The following LRRC7 variants were observed in gnomAD, a reference collection of about 807,000 sequenced individuals.
LRRC7 encodes leucine rich repeat containing 7, also known as leucine-rich repeat-containing protein 7.
LRRC7 carries 23 observed loss-of-function variants against 175.7 expected under a neutral mutation model. That is an observed-to-expected ratio of 0.13 (90% CI 0.09 to 0.19). LRRC7 has a LOEUF of 0.19. LRRC7 is among the 10% of genes least tolerant of loss of function. The pLI, the probability that LRRC7 is intolerant of heterozygous loss-of-function variation, is 1.00. For synonymous variants in LRRC7, 685 were observed against 680.9 expected, an observed-to-expected ratio of 1.01 and a Z score of -0.09; for missense variants, 1,354 against 1,904.7, an observed-to-expected ratio of 0.71 and a Z score of 5.38.
intron 1 of LRRC7, among the ~76,000 whole-genome samples, chr1:69,657,361 C>A (rs1316037907): frequency 1.3e-5 from 2 of 151,750 alleles, no homozygotes; most frequent in Non-Finnish European, 3.0e-5. Flanking sequence ...TGATTTCATG[C>A]AAAACATTAG....
intron 7 of LRRC7, among the ~76,000 whole-genome samples, chr1:69,870,588 A>G (rs920059124): frequency 6.6e-6 from 1 of 152,258 alleles, no homozygotes; most frequent in Non-Finnish European, 1.5e-5. Flanking sequence ...ACCATTCCTA[A>G]TAAGTTATTT....
At position 69,881,314 on chromosome 1, in the gene LRRC7, A is replaced by T. The variant is rs1472768893; in HGVS notation, c.647+43031A>T. Among the ~76,000 whole-genome samples, 3 of 152,332 alleles carry T rather than the reference A, an allele frequency of 2.0e-5. No individual in the cohort carries two copies. In the East Asian group the frequency reaches 5.8e-4, roughly 29 times the overall value. On this transcript the variant is annotated intron_variant, in intron 7 of 26. Transcript: ENST00000651989. ...CAACAAAATTAAAATGTCTAAAATCAGTCCCTGTATCTATAAAAATATGAA... is the reference window on the plus strand; with the variant it reads ...CAACAAAATTAAAATGTCTAAAATCTGTCCCTGTATCTATAAAAATATGAA...
At chr1:69,723,048 G>C (rs1666542682) in intron 2 of LRRC7, among the ~76,000 whole-genome samples, 1 of 151,938 alleles carries the variant, frequency 6.6e-6, no homozygotes, top group Non-Finnish European at 1.5e-5. Context: ...GACATCTTTT[G>C]TTTTTGTAAT....
At chr1:69,585,269 C>T (rs1305513769) in intron 1 of LRRC7, among the ~76,000 whole-genome samples, 1 of 152,090 alleles carries the variant, frequency 6.6e-6, no homozygotes, top group Non-Finnish European at 1.5e-5. Flanking sequence ...ACCATATTTA[C>T]TCTGTGAGCA....
chr1:69,841,988 C>T (rs748116435), intron 7 of LRRC7, among the ~76,000 whole-genome samples: 15 of 152,134 alleles, frequency 9.9e-5, no homozygotes, highest in Non-Finnish European at 1.5e-4. Context: ...TATAAACCTA[C>T]ACACATTTTC....
At chr1:69,568,777 G>A (rs901989852) in intron 1 of LRRC7, 136 bp downstream of exon 1, 10 of 546,890 alleles carry the variant, frequency 1.8e-5, no homozygotes, top group Non-Finnish European at 2.5e-5. Flanking sequence ...CGGCGCTCGC[G>A]GGGAGCTGCT....
At chr1:69,899,283 A>C (rs180898433) in intron 7 of LRRC7, among the ~76,000 whole-genome samples, 68 of 152,334 alleles carry the variant, frequency 4.5e-4, no homozygotes, top group African/African-American at 1.5e-3. Context: ...GTTTATGATC[A>C]GCAGGGAAAT....
chr1:70,036,355 T>A, intron 19 of LRRC7, 89 bp from the exon 20 acceptor site: 1 of 1,432,866 alleles, frequency 7.0e-7, no homozygotes, highest in Non-Finnish European at 9.6e-7. Context: ...TTTCTAACCT[T>A]AATCGGTATG....
chr1:70,041,987 ATC>A (rs987622109), intron 21 of LRRC7, among the ~76,000 whole-genome samples: 11 of 152,192 alleles, frequency 7.2e-5, no homozygotes, highest in Non-Finnish European at 4.4e-5. Flanking sequence ...TTCTGAGTTG[ATC>A]TTCATATAAC....
rs1665553089 is a variant in LRRC7, at chr1:69,717,762, AAAAGAAAAAAAGAAAGAAAG to A, written c.100+39292_100+39311del. On this transcript the variant is annotated intron_variant, in intron 2 of 26. Transcript: ENST00000651989. ...ATTTAAAAGATATTGGAACATGAAA[AAAAGAAAAAAAGAAAGAAAG>A]AAAGAAAGAAAGAAAGAAAGAAAGA... Among the ~76,000 whole-genome samples the A allele has an allele frequency of 4.9e-5, 2 of 40,836 alleles. 1 individual carries two copies. The highest frequency in any genetic ancestry group is 9.2e-5 in the Non-Finnish European group (2 of 21,706). 26.8% of individuals were successfully genotyped at this position (40,836 alleles called of 152,430 possible). A position where few individuals can be genotyped will look rare whatever the true frequency, so the allele number is the denominator to read the frequency against.
intron 2 of LRRC7, among the ~76,000 whole-genome samples, chr1:69,730,500 T>C (rs1048152266): frequency 6.6e-6 from 1 of 152,308 alleles, no homozygotes; most frequent in Admixed American, 6.5e-5. Context: ...GAGTGACTTT[T>C]ACTCCAGTTT....
chr1:70,037,913 T>C (rs980320726), intron 20 of LRRC7, among the ~76,000 whole-genome samples, 200 bp from the exon 21 acceptor site: 9 of 151,998 alleles, frequency 5.9e-5, no homozygotes, highest in African/African-American at 2.2e-4. Flanking sequence ...AGGTGATTAT[T>C]ACTAGGAAAA....
intron 2 of LRRC7, among the ~76,000 whole-genome samples, chr1:69,695,685 G>A (rs1321510511): frequency 6.6e-6 from 1 of 152,190 alleles, no homozygotes; most frequent in Non-Finnish European, 1.5e-5. Flanking sequence ...CCAGGCCCTT[G>A]CTGCCCTGTG....
chr1:69,756,388 G>A (rs543972044), intron 2 of LRRC7, among the ~76,000 whole-genome samples: 3 of 151,730 alleles, frequency 2.0e-5, no homozygotes, highest in Admixed American at 6.6e-5. Context: ...AAATTTAACA[G>A]AATGCAGGAT....
At chr1:70,048,580 A>G (rs139342720) in intron 22 of LRRC7, among the ~76,000 whole-genome samples, 1 of 152,242 alleles carries the variant, frequency 6.6e-6, no homozygotes, top group East Asian at 1.9e-4. Flanking sequence ...TTCCATACAC[A>G]TTATTACCTC....
Position 70,082,781 on chromosome 1 carries a change from A to ATCTT in LRRC7, c.4452+6484_4452+6485insCTTT, listed in dbSNP as rs1553201466. Among the ~76,000 whole-genome samples, 15 of 52,308 alleles carry ATCTT rather than the reference A, an allele frequency of 2.9e-4. 6 individuals are homozygous for ATCTT. The highest frequency in any genetic ancestry group is 6.2e-4 in the African/African-American group (10 of 16,178). 34.3% of individuals were successfully genotyped at this position (52,308 alleles called of 152,430 possible). On this transcript the variant is annotated intron_variant, in intron 24 of 26. Transcript: ENST00000651989. ...TATTAGTCAATCTTGATACCAGTAC[A>ATCTT]TTTTTTTTTTTTTTTTTTTTTTTTT...
At chr1:70,069,403 C>A (rs550263633) in intron 23 of LRRC7, among the ~76,000 whole-genome samples, 1 of 152,268 alleles carries the variant, frequency 6.6e-6, no homozygotes, top group East Asian at 1.9e-4. Flanking sequence ...CCCCATGATC[C>A]AATTACCTCC....
At chr1:69,821,171 G>T (rs113844979) in intron 4 of LRRC7, among the ~76,000 whole-genome samples, 1 of 152,088 alleles carries the variant, frequency 6.6e-6, no homozygotes, top group Non-Finnish European at 1.5e-5. Flanking sequence ...CTTTAAATAA[G>T]TGTTATGTAC....
chr1:69,829,378 C>T (rs949054868), intron 5 of LRRC7, among the ~76,000 whole-genome samples: 2 of 151,780 alleles, frequency 1.3e-5, no homozygotes, highest in Middle Eastern at 3.4e-3. Flanking sequence ...TTTGGGTGGG[C>T]ACATGTGATA....
Sources: gnomAD v4.1 joint callset for allele counts (sites outside exome capture counted in the v4.1 genomes callset) on GRCh38, gnomAD v4.1.1 for gene constraint, MANE v1.5 for transcripts, NCBI Gene and HGNC (gene_info 2026-07-23, HGNC 2026-07-21) for gene names.